TECPR2: variants seen among roughly 807,000 people sequenced by gnomAD.
The protein encoded by TECPR2 is tectonin beta-propeller repeat containing 2, also known as tectonin beta-propeller repeat-containing protein 2.
TECPR2 carries 65 observed loss-of-function variants against 138.1 expected under a neutral mutation model. The ratio of observed to expected loss-of-function variants is 0.47; its 90% CI spans 0.39 to 0.58. The LOEUF is 0.58. Among genes scored for constraint, TECPR2 ranks in the 20% least tolerant of loss-of-function variants. The probability of loss-of-function intolerance (pLI) is 0.00; values close to 1 mark genes in which losing one functional copy is unlikely to be tolerated. For synonymous variants in TECPR2, 746 were observed against 749.8 expected (o/e 0.99, Z 0.08); for missense variants, 1,553 against 1,824.5 (o/e 0.85, Z 2.71).
At position 102,444,789 on chromosome 14, in the gene TECPR2, T is replaced by C. The variant is rs565833061; in HGVS notation, c.2933+962T>C. Among the ~76,000 whole-genome samples the C allele has an allele frequency of 4.7e-4, 71 of 152,204 alleles. 1 individual carries two copies. Among genetic ancestry groups the C allele is most frequent in the Non-Finnish European group, 5.3e-4 (36 of 68,008 alleles). ...GAGTTCGAGACCAGACTGACCAACA[T>C]AGTGAAATCCCGTCTCTATTAAAAA... On this transcript the variant is annotated intron_variant, in intron 12 of 19. Transcript: ENST00000359520.
At chr14:102,428,012 A>G (rs1438772390) in intron 6 of TECPR2, among the ~76,000 whole-genome samples, 2 of 152,200 alleles carry the variant, frequency 1.3e-5, no homozygotes, top group Admixed American at 6.5e-5. Flanking sequence ...GCAGGGTGGT[A>G]CGTGGGTCGG....
Position 102,407,478 on chromosome 14 carries a change from T to C in TECPR2, c.348+12T>C. On this transcript the variant is annotated intron_variant, in intron 3 of 19. Coordinates refer to ENST00000359520, the MANE Select transcript of TECPR2 (RefSeq NM_014844.5). ...GGAGAAATAAACAGGTGAGTACTCA[T>C]GATCTTAACACGTGTTAACTTCTTG... is the stretch of plus-strand genomic sequence containing the variant. 1 of 1,602,250 alleles carries C rather than the reference T, an allele frequency of 6.2e-7. No individual in the cohort carries two copies. Among genetic ancestry groups the C allele is most frequent in the East Asian group, 2.2e-5 (1 of 44,600 alleles).
At chr14:102,364,260 T>C (rs1443178979) in intron 1 of TECPR2, among the ~76,000 whole-genome samples, 1 of 152,238 alleles carries the variant, frequency 6.6e-6, no homozygotes, top group Admixed American at 6.5e-5. Context: ...CCTGGTCTTT[T>C]AGGCTGCAGG....
At chr14:102,366,709 A>G (rs774545817) in intron 1 of TECPR2, among the ~76,000 whole-genome samples, 3 of 152,248 alleles carry the variant, frequency 2.0e-5, no homozygotes, top group Non-Finnish European at 4.4e-5. Flanking sequence ...ACAAATCTTT[A>G]CTGAGCATCT....
chr14:102,408,130 C>T (rs1272541466), intron 3 of TECPR2, among the ~76,000 whole-genome samples: 7 of 151,792 alleles, frequency 4.6e-5, no homozygotes, highest in East Asian at 1.9e-4. Flanking sequence ...GATTGTACCA[C>T]GCTACTGCAC....
At chr14:102,451,835 A>G (rs1890151533) in intron 15 of TECPR2, among the ~76,000 whole-genome samples, 1 of 152,174 alleles carries the variant, frequency 6.6e-6, no homozygotes, top group African/African-American at 2.4e-5. Context: ...AGGGAATGAA[A>G]GGACATGATT....
At chr14:102,367,257 T>C (rs1453056305) in intron 1 of TECPR2, among the ~76,000 whole-genome samples, 1 of 152,224 alleles carries the variant, frequency 6.6e-6, no homozygotes, top group Non-Finnish European at 1.5e-5. Flanking sequence ...GTAACAGCTT[T>C]ATTGAGATAT....
intron 2 of TECPR2, among the ~76,000 whole-genome samples, chr14:102,382,402 A>G (rs1332418487): frequency 2.0e-5 from 3 of 152,250 alleles, no homozygotes; most frequent in African/African-American, 7.2e-5. Flanking sequence ...ACAGATTCGT[A>G]TATGTCCCTT....
rs761251356 is a variant in TECPR2 at position 102,449,766 on chromosome 14, C to T, written c.3213C>T (p.Ser1071=). ...VADKLRMAFW[S]QQLQCQPSLL... is the part of the protein sequence containing the mutation. ...ATAAGCTGCGCATGGCGTTTTGGTCCCAGCAGCTTCAGTGCCAGCCAAGCC... is the reference window on the plus strand; with the variant it reads ...ATAAGCTGCGCATGGCGTTTTGGTCTCAGCAGCTTCAGTGCCAGCCAAGCC... Residue 1071 remains serine (S), a synonymous_variant, in exon 14 of 20, where the codon TCC becomes TCT. Transcript: ENST00000359520. The T allele has an allele frequency of 6.2e-7, 1 of 1,614,154 alleles. No homozygotes were observed. The highest frequency in any genetic ancestry group is 8.5e-7 in the Non-Finnish European group (1 of 1,180,034).
In TECPR2 at chr14:102,401,804, C is replaced by CAAAAAAA. The variant is rs34413626; in HGVS notation, c.220-5517_220-5511dup. On this transcript the variant is annotated intron_variant, in intron 2 of 19. Transcript: ENST00000359520. ...TGTGCAAAAGAGCGAGACTCCGTCT[C>CAAAAAAA]AAAAAAAAAAAAAAAAAAAAAAAGA... 3.5e-4 allele frequency among the ~76,000 whole-genome samples: 24 copies of CAAAAAAA among 68,900 alleles called. 1 individual carries two copies. Among genetic ancestry groups the CAAAAAAA allele is most frequent in the Middle Eastern group, 0.01 (1 of 96 alleles). 45.2% of individuals were successfully genotyped at this position (68,900 alleles called of 152,430 possible). A position where few individuals can be genotyped will look rare whatever the true frequency, so the allele number is the denominator to read the frequency against.
intron 17 of TECPR2, among the ~76,000 whole-genome samples, chr14:102,476,161 T>A (rs146303868): frequency 0.015 from 2,043 of 134,356 alleles, 20 homozygotes; most frequent in Middle Eastern, 0.031. Context: ...GAGCAAAGAT[T>A]GCACCACTGC....
intron 1 of TECPR2, among the ~76,000 whole-genome samples, chr14:102,366,610 G>A (rs749563620): frequency 6.6e-6 from 1 of 152,168 alleles, no homozygotes; most frequent in Non-Finnish European, 1.5e-5. Context: ...GCCTCCCAAA[G>A]TGCTGGGATT....
intron 16 of TECPR2, among the ~76,000 whole-genome samples, chr14:102,461,983 T>C (rs1371398432): frequency 1.3e-5 from 2 of 152,228 alleles, no homozygotes; most frequent in African/African-American, 4.8e-5. Context: ...AGTTCAACTT[T>C]GTCATCTTTC....
intron 2 of TECPR2, among the ~76,000 whole-genome samples, chr14:102,385,282 A>G (rs904886691): frequency 2.0e-5 from 3 of 151,982 alleles, no homozygotes; most frequent in African/African-American, 7.3e-5. Context: ...GCACTCATTC[A>G]CCCATGAGGA....
At chr14:102,376,962 A>T in intron 2 of TECPR2, 22 bp downstream of exon 2, 2 of 1,580,936 alleles carry the variant, frequency 1.3e-6, no homozygotes, top group Non-Finnish European at 1.7e-6. Flanking sequence ...TTTGCTTTTC[A>T]CCTGAGGGGG....
chr14:102,363,499 C>A (rs190054672), intron 1 of TECPR2, among the ~76,000 whole-genome samples: 3 of 152,202 alleles, frequency 2.0e-5, no homozygotes, highest in African/African-American at 4.8e-5. Flanking sequence ...TTCTGTCCCC[C>A]ACTCGCAGCC....
intron 2 of TECPR2, among the ~76,000 whole-genome samples, chr14:102,379,882 G>A (rs1412269573): frequency 1.7e-4 from 20 of 114,672 alleles, no homozygotes; most frequent in East Asian, 5.8e-4. Flanking sequence ...GCACAGAGGC[G>A]TCCTAGTCAC....
In TECPR2 at chr14:102,415,145, G is replaced by A. The variant is rs559688719; in HGVS notation, c.638+352G>A. ...GCCCTGGTGAGGGGTCAGGGTTGTG[G>A]GGCTCACTCGTTATTCAGCACGTGT... On this transcript the variant is annotated intron_variant, in intron 5 of 19. Transcript: ENST00000359520. The surrounding 1 kb of genome is among the most constrained non-coding windows in gnomAD (Gnocchi z 4.3). 5.3e-5 allele frequency among the ~76,000 whole-genome samples: 8 copies of A among 152,180 alleles called. No individual in the cohort carries two copies. Among genetic ancestry groups the A allele is most frequent in the Admixed American group, 5.2e-4 (8 of 15,286 alleles).
intron 2 of TECPR2, among the ~76,000 whole-genome samples, chr14:102,404,695 G>A (rs1888606437): frequency 1.3e-5 from 2 of 151,622 alleles, no homozygotes; most frequent in Non-Finnish European, 2.9e-5. Flanking sequence ...TCCTGCCTCA[G>A]CCTCCCGAGT....
Sources: gnomAD v4.1 joint callset for allele counts (sites outside exome capture counted in the v4.1 genomes callset) on GRCh38, gnomAD v4.1.1 for gene constraint, Gnocchi (gnomAD v3.1) non-coding constraint, MANE v1.5 for transcripts, NCBI Gene and HGNC (gene_info 2026-07-23, HGNC 2026-07-21) for gene names.